Variants in PRDM4 observed in about 807,000 individuals in gnomAD.
PRDM4 encodes the protein PR/SET domain 4.
A neutral mutation model predicts 62.3 loss-of-function variants in PRDM4; 38 were observed. The observed-to-expected ratio is 0.61, with a 90% confidence interval of 0.47 to 0.80. The LOEUF (loss-of-function observed/expected upper bound fraction) is 0.80. Among genes scored for constraint, PRDM4 ranks in the 30% least tolerant of loss-of-function variants. The probability of loss-of-function intolerance (pLI) is 0.00; values close to 1 mark genes in which losing one functional copy is unlikely to be tolerated. For synonymous variants in PRDM4, 339 were observed against 348.2 expected (o/e 0.97, Z 0.30); for missense variants, 858 against 997.1 (o/e 0.86, Z 1.88).
At chr12:107,740,265 CTGTT>C (rs1593163595) in intron 10 of PRDM4, among the ~76,000 whole-genome samples, 1 of 152,088 alleles carries the variant, frequency 6.6e-6, no homozygotes, top group Non-Finnish European at 1.5e-5. Flanking sequence ...GGTAAGCAGA[CTGTT>C]TGAGCCCAGG....
In PRDM4 at chr12:107,733,987, T is replaced by G; in HGVS notation, c.*223A>C. 1 of 479,742 alleles carries G rather than the reference T, an allele frequency of 2.1e-6. No individual in the cohort carries two copies. Among genetic ancestry groups the G allele is most frequent in the Non-Finnish European group, 3.6e-6 (1 of 277,032 alleles). The allele number at this position is 479,742 out of a possible 1,614,324, so 29.7% of individuals were successfully genotyped here. A position where few individuals can be genotyped will look rare whatever the true frequency, so the allele number is the denominator to read the frequency against. On this transcript the variant is annotated 3_prime_UTR_variant, in exon 12 of 12. Transcript: ENST00000228437. ...TCAGAAGTTGACACTTCCCTCCCAG[T>G]CCACCACTTAAAACAGGACACATGC...
rs559834979 is a variant in PRDM4 at position 107,753,169 on chromosome 12, C to T, written c.331+755G>A. Among the ~76,000 whole-genome samples, 86 of 152,162 alleles carry T rather than the reference C, an allele frequency of 5.7e-4. 1 individual carries two copies. Among genetic ancestry groups the T allele is most frequent in the Admixed American group, 5.2e-3 (79 of 15,278 alleles). On this transcript the variant is annotated intron_variant, in intron 4 of 11. Coordinates refer to ENST00000228437, the MANE Select transcript of PRDM4 (RefSeq NM_012406.4). ...GGCGGATGGCTTCAGCGCAGGAGTT[C>T]GAGACCAGCCTCGGCAACATGCCAA...
At chr12:107,755,243 T>A (rs898909734) in intron 3 of PRDM4, among the ~76,000 whole-genome samples, 21 of 152,056 alleles carry the variant, frequency 1.4e-4, no homozygotes, top group African/African-American at 4.8e-4. Context: ...TACGGGTGTG[T>A]GCCACCATGC....
intron 10 of PRDM4, among the ~76,000 whole-genome samples, chr12:107,739,917 A>G (rs1240043439): frequency 6.6e-6 from 1 of 152,068 alleles, no homozygotes; most frequent in Non-Finnish European, 1.5e-5. Context: ...ATAGGGAAAC[A>G]TACTTTTACA....
intron 3 of PRDM4, among the ~76,000 whole-genome samples, chr12:107,756,488 ATTCTC>A (rs368413099): frequency 3.9e-5 from 6 of 152,202 alleles, no homozygotes; most frequent in Non-Finnish European, 7.3e-5. Flanking sequence ...ATTTTAACTG[ATTCTC>A]TTCTATTAAC....
intron 6 of PRDM4, among the ~76,000 whole-genome samples, chr12:107,745,406 A>T (rs758243541): frequency 1.3e-4 from 20 of 150,748 alleles, no homozygotes; most frequent in Non-Finnish European, 2.1e-4. Flanking sequence ...TACAAAAAAA[A>T]TTTTTTTTTT....
chr12:107,738,718 G>A (rs1195337012), intron 11 of PRDM4, among the ~76,000 whole-genome samples: 1 of 152,118 alleles, frequency 6.6e-6, no homozygotes, highest in Non-Finnish European at 1.5e-5. Flanking sequence ...AGCTGCCTAA[G>A]TAATCTTTGT....
chr12:107,740,896 A>G (rs771236615), intron 10 of PRDM4, 50 bp downstream of exon 10: 2 of 1,555,376 alleles, frequency 1.3e-6, no homozygotes, highest in East Asian at 4.5e-5. Flanking sequence ...TTACTACCGC[A>G]TTTTCTAATT....
intron 7 of PRDM4, among the ~76,000 whole-genome samples, chr12:107,743,945 T>C (rs1015282060): frequency 3.9e-5 from 6 of 152,032 alleles, no homozygotes; most frequent in Non-Finnish European, 8.8e-5. Flanking sequence ...GGAAACCCCG[T>C]CTCTACAAAA....
chr12:107,757,297 T>G (rs561897808), intron 2 of PRDM4, among the ~76,000 whole-genome samples: 1 of 152,316 alleles, frequency 6.6e-6, no homozygotes, highest in Admixed American at 6.5e-5. Flanking sequence ...TTTAAATCAC[T>G]CAAGCTTCAT....
At chr12:107,742,006 A>G (rs1170083642) in intron 9 of PRDM4, among the ~76,000 whole-genome samples, 2 of 152,212 alleles carry the variant, frequency 1.3e-5, no homozygotes, top group African/African-American at 4.8e-5. Flanking sequence ...CTACCATAAA[A>G]GACCGTATCA....
chr12:107,736,412 G>C (rs1468756948), intron 11 of PRDM4: 1 of 152,296 alleles, frequency 6.6e-6, no homozygotes, highest in Admixed American at 6.5e-5. Flanking sequence ...GGCATCTGGA[G>C]GGAGAAGTTT....
At chr12:107,736,844 C>T (rs940622915) in intron 11 of PRDM4, 2 of 152,216 alleles carry the variant, frequency 1.3e-5, no homozygotes, top group Admixed American at 6.5e-5. Context: ...GAAGGAAAAA[C>T]TGAGTTGAGA....
Position 107,739,444 on chromosome 12 carries a change from A to G in PRDM4, c.2032T>C (p.Tyr678His). The G allele has an allele frequency of 6.2e-7, 1 of 1,613,960 alleles. No individual in the cohort carries two copies. The highest frequency in any genetic ancestry group is 8.5e-7 in the Non-Finnish European group (1 of 1,179,854). Reference protein sequence around the residue: ...HTGEKNLKCDYCDKLFMRRQD... With the variant: ...HTGEKNLKCDHCDKLFMRRQD... ...CTCCGCATAAACAACTTGTCACAGT[A>G]ATCACACTTAAGATTCTTCTCCCCA... is the stretch of plus-strand genomic sequence containing the variant. Residue 678 changes from tyrosine to histidine, a missense_variant, in exon 11 of 12, where the codon TAC becomes CAC. By Grantham distance (83) the Tyr-to-His change is moderately conservative. This residue lies in a region of PRDM4 where 355 missense variants were observed against 432.6 expected (regional missense o/e 0.82). Transcript: ENST00000228437.
At chr12:107,757,869 A>G (rs1891110323) in intron 2 of PRDM4, among the ~76,000 whole-genome samples, 1 of 152,230 alleles carries the variant, frequency 6.6e-6, no homozygotes, top group South Asian at 2.1e-4. Flanking sequence ...TGAATAAAAC[A>G]GCACTGAAGG....
In PRDM4 at chr12:107,739,430, C is replaced by A; in HGVS notation, c.2046G>T (p.Leu682Phe). 1.2e-6 allele frequency: 2 copies of A among 1,613,922 alleles called. No individual in the cohort carries two copies. The highest frequency in any genetic ancestry group is 1.7e-6 in the Non-Finnish European group (2 of 1,179,828). ...KNLKCDYCDK[L>F]FMRRQDLKQH... ...GCTTGAGGTCCTGCCTCCGCATAAA[C>A]AACTTGTCACAGTAATCACACTTAA... Residue 682 changes from leucine to phenylalanine, a missense_variant, in exon 11 of 12, where the codon TTG becomes TTT. Physicochemically the swap from Leu to Phe is conservative, Grantham distance 22. Around this residue, in one of 3 missense-constraint regions of PRDM4, gnomAD observed 355 missense variants for 432.6 expected, o/e 0.82. Coordinates refer to ENST00000228437, the MANE Select transcript of PRDM4 (RefSeq NM_012406.4).
intron 5 of PRDM4, 93 bp from the exon 6 acceptor site, chr12:107,746,517 G>C (rs1339257328): frequency 1.6e-6 from 2 of 1,233,416 alleles, no homozygotes; most frequent in Admixed American, 3.1e-5. Flanking sequence ...ACAAAGTCTT[G>C]CTCTGCACCC....
At chr12:107,736,957 G>A (rs556895608) in intron 11 of PRDM4, 3 of 152,386 alleles carry the variant, frequency 2.0e-5, no homozygotes, top group African/African-American at 7.2e-5. Flanking sequence ...GGTAATACTG[G>A]GTTGAGTTTT....
At chr12:107,744,475 T>A (rs1012192234) in intron 7 of PRDM4, 68 bp downstream of exon 7, 1 of 1,552,640 alleles carries the variant, frequency 6.4e-7, no homozygotes, top group African/African-American at 1.4e-5. Flanking sequence ...GACTTTATCA[T>A]AACTTTTTAA....
Sources: allele counts gnomAD v4.1 joint callset (sites outside exome capture counted in the v4.1 genomes callset), GRCh38; gene constraint gnomAD v4.1.1; regional missense constraint gnomAD v4.1.1; transcripts MANE v1.5; gene names NCBI Gene and HGNC (gene_info 2026-07-23, HGNC 2026-07-21).